SMG6: variants seen among roughly 807,000 people sequenced by gnomAD.
The protein encoded by SMG6 is SMG6 nonsense mediated mRNA decay factor, also known as telomerase-binding protein EST1A.
In SMG6, 66 loss-of-function variants were observed where a neutral mutation model predicts 142.2. The observed-to-expected ratio is 0.46, with a 90% confidence interval of 0.38 to 0.57. The LOEUF (loss-of-function observed/expected upper bound fraction) is 0.57, where lower values mean the gene tolerates loss of function less well. Ranked by LOEUF, SMG6 falls within the 20% of genes least tolerant of loss-of-function variation. The pLI is 0.00. For missense variants in SMG6, 1,793 were observed against 1,832.0 expected (o/e 0.98, Z 0.39); for synonymous variants, 779 against 702.4 (o/e 1.11, Z -1.72).
intron 10 of SMG6, among the ~76,000 whole-genome samples, chr17:2,223,504 C>T (rs1244762295): frequency 2.6e-5 from 4 of 152,126 alleles, no homozygotes; most frequent in Non-Finnish European, 5.9e-5. Context: ...CTAAGAACAG[C>T]AGTAGTCAAG....
intron 12 of SMG6, among the ~76,000 whole-genome samples, chr17:2,186,274 C>T (rs1597551776): frequency 7.2e-6 from 1 of 138,732 alleles, no homozygotes; most frequent in Non-Finnish European, 1.6e-5. Context: ...AAAAAAAAAG[C>T]AAGATGCACA....
intron 13 of SMG6, among the ~76,000 whole-genome samples, chr17:2,152,361 C>T (rs575368007): frequency 6.6e-6 from 1 of 152,276 alleles, no homozygotes; most frequent in African/African-American, 2.4e-5. Context: ...GCCTGTGAAC[C>T]CTTCAGCTCT....
At chr17:2,094,827 G>A (rs1315806703) in intron 13 of SMG6, 3 of 152,194 alleles carry the variant, frequency 2.0e-5, no homozygotes, top group Non-Finnish European at 4.4e-5. Context: ...AGCCAGATAG[G>A]AGTCTGGTCT....
At chr17:2,195,508 C>T (rs777520354) in intron 10 of SMG6, among the ~76,000 whole-genome samples, 1 of 152,208 alleles carries the variant, frequency 6.6e-6, no homozygotes, top group Non-Finnish European at 1.5e-5. Flanking sequence ...CCCTTGAGGG[C>T]AAGAGCTATG....
intron 13 of SMG6, among the ~76,000 whole-genome samples, chr17:2,163,690 A>ATT (rs375744512): frequency 1.2e-4 from 17 of 143,734 alleles, no homozygotes; most frequent in African/African-American, 2.0e-4. Context: ...TTAATACTTC[A>ATT]TTTTTTTTTT....
chr17:2,261,538 T>TA (rs1403250220), intron 8 of SMG6, among the ~76,000 whole-genome samples: 1 of 152,194 alleles, frequency 6.6e-6, no homozygotes, highest in African/African-American at 2.4e-5. Flanking sequence ...TCACAGCCAA[T>TA]AAATACCCTT....
chr17:2,115,800 T>C (rs2069486514), intron 13 of SMG6, among the ~76,000 whole-genome samples: 1 of 152,308 alleles, frequency 6.6e-6, no homozygotes, highest in Non-Finnish European at 1.5e-5. Flanking sequence ...CATAGTTTAC[T>C]GTAGCCTCGA....
intron 18 of SMG6, chr17:2,061,966 G>C: frequency 5.1e-6 from 1 of 195,436 alleles, no homozygotes; most frequent in Non-Finnish European, 1.1e-5. Context: ...CACATGGCTG[G>C]CCCCCAGATC....
intron 13 of SMG6, among the ~76,000 whole-genome samples, chr17:2,137,521 G>T (rs2070343010): frequency 2.0e-5 from 3 of 151,918 alleles, no homozygotes; most frequent in South Asian, 4.2e-4. Flanking sequence ...CCTTTCACAT[G>T]CAAATGGGCT....
rs561497275 is a variant in SMG6, at chr17:2,229,906, C to T, written c.2869+6586G>A. Reference sequence around the variant, plus strand: ...GGTAGCTGAAAGTCCTGCTGCCAGGCCAAGCGCAGTGGCTCATGCCTGTAA... The same window carrying T: ...GGTAGCTGAAAGTCCTGCTGCCAGGTCAAGCGCAGTGGCTCATGCCTGTAA... On this transcript the variant is annotated intron_variant, in intron 10 of 18. Transcript: ENST00000263073. Among the ~76,000 whole-genome samples the T allele has an allele frequency of 2.0e-5, 3 of 152,084 alleles. No individual in the cohort carries two copies. In the South Asian group the frequency reaches 6.2e-4, roughly 32 times the overall value.
At chr17:2,160,245 G>A (rs1330632766) in intron 13 of SMG6, among the ~76,000 whole-genome samples, 1 of 152,076 alleles carries the variant, frequency 6.6e-6, no homozygotes, top group Non-Finnish European at 1.5e-5. Context: ...TTTTGAGACA[G>A]ATCTCACTCT....
chr17:2,197,342 T>C (rs971863792), intron 10 of SMG6, among the ~76,000 whole-genome samples: 11 of 152,024 alleles, frequency 7.2e-5, no homozygotes, highest in African/African-American at 2.2e-4. Flanking sequence ...GGTGGGAGAA[T>C]TGCTTGAGCC....
At chr17:2,210,882 T>C (rs565506024) in intron 10 of SMG6, among the ~76,000 whole-genome samples, 1 of 152,114 alleles carries the variant, frequency 6.6e-6, no homozygotes, top group Admixed American at 6.5e-5. Context: ...TGCTCAGCTT[T>C]TACACCTAGG....
chr17:2,211,425 G>A (rs952361179), intron 10 of SMG6, among the ~76,000 whole-genome samples: 2 of 152,150 alleles, frequency 1.3e-5, no homozygotes, highest in African/African-American at 4.8e-5. Flanking sequence ...AGCACTTTGG[G>A]AGGCCAAGGC....
chr17:2,200,734 G>T (rs556452486), intron 10 of SMG6, among the ~76,000 whole-genome samples: 2 of 152,210 alleles, frequency 1.3e-5, no homozygotes, highest in African/African-American at 4.8e-5. Context: ...GAATGAGACA[G>T]GCTCTCGCTC....
chr17:2,245,133 C>T (rs1243048945), intron 8 of SMG6, among the ~76,000 whole-genome samples: 1 of 152,214 alleles, frequency 6.6e-6, no homozygotes, highest in East Asian at 1.9e-4. Context: ...TATTTTTCTA[C>T]CTACCTAGCT....
intron 10 of SMG6, chr17:2,214,425 A>G (rs1466986222): frequency 6.6e-6 from 1 of 151,790 alleles, no homozygotes; most frequent in Admixed American, 6.6e-5. Flanking sequence ...CAATTGCACA[A>G]GAGCTGCAGA....
intron 6 of SMG6, among the ~76,000 whole-genome samples, chr17:2,291,004 G>A (rs902071823): frequency 3.3e-5 from 5 of 152,282 alleles, no homozygotes; most frequent in East Asian, 1.9e-4. Context: ...GATGGAAAGC[G>A]TAAGTATCAG....
intron 13 of SMG6, among the ~76,000 whole-genome samples, chr17:2,166,149 A>C (rs1036805817): frequency 3.3e-5 from 5 of 151,842 alleles, no homozygotes; most frequent in Non-Finnish European, 5.9e-5. Flanking sequence ...TAGGTGGAGG[A>C]TGCAGTGAGC....
Sources: gnomAD v4.1 joint callset for allele counts (sites outside exome capture counted in the v4.1 genomes callset) on GRCh38, gnomAD v4.1.1 for gene constraint, MANE v1.5 for transcripts, NCBI Gene and HGNC (gene_info 2026-07-23, HGNC 2026-07-21) for gene names.